The following PCDH15 variants were observed in gnomAD, a reference collection of about 807,000 sequenced individuals.
PCDH15 encodes the protein protocadherin related 15, also known as protocadherin-15.
In PCDH15, 129 loss-of-function variants were observed where a neutral mutation model predicts 178.5. That is an observed-to-expected ratio of 0.72 (90% CI 0.63 to 0.84). The LOEUF is 0.84. Ranked by LOEUF, PCDH15 falls within the 40% of genes least tolerant of loss-of-function variation. The pLI, the probability that PCDH15 is intolerant of heterozygous loss-of-function variation, is 0.00. For missense variants in PCDH15, 2,230 were observed against 2,099.9 expected (o/e 1.06, Z -1.21); for synonymous variants, 800 against 732.0 (o/e 1.09, Z -1.50).
At chr10:55,477,158 A>C (rs1489889403) in intron 2 of PCDH15, among the ~76,000 whole-genome samples, 1 of 151,998 alleles carries the variant, frequency 6.6e-6, no homozygotes, top group East Asian at 1.9e-4. Flanking sequence ...GATACTAAAC[A>C]TAAGAATATA....
intron 1 of PCDH15, among the ~76,000 whole-genome samples, chr10:54,738,589 C>A (rs1252776245): frequency 6.6e-6 from 1 of 151,812 alleles, no homozygotes; most frequent in Non-Finnish European, 1.5e-5. Flanking sequence ...CAAAACCAGA[C>A]AAACATGCAA....
intron 23 of PCDH15, among the ~76,000 whole-genome samples, chr10:53,959,013 T>C (rs1307758407): frequency 2.8e-5 from 4 of 144,784 alleles, no homozygotes; most frequent in Non-Finnish European, 6.0e-5. Flanking sequence ...AAGAACAGAA[T>C]TTTCTGTCGT....
intron 2 of PCDH15, among the ~76,000 whole-genome samples, chr10:55,347,677 T>A (rs564913055): frequency 1.3e-5 from 2 of 152,218 alleles, no homozygotes; most frequent in South Asian, 4.1e-4. Flanking sequence ...GAAAACACAT[T>A]TAACCTGAAT....
At chr10:54,200,269 CTTTT>C (rs11377394) in intron 10 of PCDH15, among the ~76,000 whole-genome samples, 4 of 106,074 alleles carry the variant, frequency 3.8e-5, no homozygotes, top group East Asian at 2.9e-4. Flanking sequence ...ACAGAGCCCA[CTTTT>C]TTTTTTTTTT....
At chr10:54,224,524 T>C (rs533535568) in intron 9 of PCDH15, among the ~76,000 whole-genome samples, 35 of 152,260 alleles carry the variant, frequency 2.3e-4, no homozygotes, top group African/African-American at 7.7e-4. Flanking sequence ...CTGGGTTTTA[T>C]TTCTTTTTAG....
At chr10:54,053,505 T>C (rs2093821412) in intron 18 of PCDH15, among the ~76,000 whole-genome samples, 1 of 152,132 alleles carries the variant, frequency 6.6e-6, no homozygotes, top group South Asian at 2.1e-4. Context: ...CAGTATTACA[T>C]GAGACCATGA....
intron 3 of PCDH15, among the ~76,000 whole-genome samples, chr10:54,820,073 T>C (rs1405787145): frequency 2.0e-5 from 3 of 152,088 alleles, no homozygotes; most frequent in African/African-American, 7.2e-5. Context: ...TTATGTGATA[T>C]ATGTGAAAGT....
chr10:54,122,587 A>AG (rs1176571704), intron 15 of PCDH15, among the ~76,000 whole-genome samples: 1 of 151,022 alleles, frequency 6.6e-6, no homozygotes, highest in Admixed American at 6.6e-5. Context: ...ATAGCAAAAA[A>AG]AAAAGAAAAA....
At chr10:53,982,327 C>T (rs1020654458) in intron 21 of PCDH15, among the ~76,000 whole-genome samples, 3 of 152,102 alleles carry the variant, frequency 2.0e-5, no homozygotes, top group Non-Finnish European at 2.9e-5. Flanking sequence ...TGGGTATATA[C>T]CCAAAGAATT....
At chr10:53,910,953 A>G (rs2083045574) in intron 25 of PCDH15, among the ~76,000 whole-genome samples, 1 of 152,190 alleles carries the variant, frequency 6.6e-6, no homozygotes, top group Non-Finnish European at 1.5e-5. Context: ...TGAAAAGAGA[A>G]GTTTAGAGAA....
At chr10:55,335,847 T>C (rs1239276812) in intron 2 of PCDH15, among the ~76,000 whole-genome samples, 1 of 152,184 alleles carries the variant, frequency 6.6e-6, no homozygotes, top group African/African-American at 2.4e-5. Context: ...AAATGTTATA[T>C]GATTAAGTAT....
intron 2 of PCDH15, among the ~76,000 whole-genome samples, chr10:54,914,129 A>G (rs1043961325): frequency 6.6e-6 from 1 of 152,128 alleles, no homozygotes; most frequent in Non-Finnish European, 1.5e-5. Context: ...GGCCAGGGAC[A>G]GCATGATATG....
chr10:55,516,709 T>C (rs1841020874), intron 2 of PCDH15, among the ~76,000 whole-genome samples: 3 of 152,160 alleles, frequency 2.0e-5, no homozygotes. Flanking sequence ...TTCTTTTATA[T>C]GAATATTTGA....
chr10:54,020,469 T>C (rs557848456), intron 19 of PCDH15, 53 bp from the exon 20 acceptor site: 5 of 1,547,116 alleles, frequency 3.2e-6, no homozygotes, highest in South Asian at 1.1e-5. Context: ...AATAAAGAAA[T>C]GCAGGAAGGA....
intron 2 of PCDH15, among the ~76,000 whole-genome samples, chr10:55,557,101 A>C (rs1330629431): frequency 6.6e-6 from 1 of 152,124 alleles, no homozygotes; most frequent in Admixed American, 6.6e-5. Context: ...TACCAGTTTT[A>C]ATATAGCCAA....
At chr10:55,171,843 G>A (rs1238055291) in intron 1 of PCDH15, among the ~76,000 whole-genome samples, 1 of 151,902 alleles carries the variant, frequency 6.6e-6, no homozygotes, top group African/African-American at 2.4e-5. Flanking sequence ...TGTTCAAGAT[G>A]TTGAATGGCT....
At chr10:53,823,789 AT>A (rs1416507664) in intron 32 of PCDH15, 1 of 456,746 alleles carries the variant, frequency 2.2e-6, no homozygotes, top group African/African-American at 2.0e-5. Context: ...GCTGTATCTG[AT>A]TCAGTACTTC....
At chr10:55,285,581 T>A (rs1276332711) in intron 1 of PCDH15, among the ~76,000 whole-genome samples, 1 of 151,866 alleles carries the variant, frequency 6.6e-6, no homozygotes, top group Non-Finnish European at 1.5e-5. Flanking sequence ...TTTATAGACT[T>A]CTTTTATGAA....
intron 16 of PCDH15, among the ~76,000 whole-genome samples, chr10:54,089,393 A>T (rs1285922730): frequency 6.6e-6 from 1 of 152,240 alleles, no homozygotes. Context: ...CTATTGCAAA[A>T]GGGAAGCATA....
Sources: allele counts gnomAD v4.1 joint callset (sites outside exome capture counted in the v4.1 genomes callset), GRCh38; gene constraint gnomAD v4.1.1; transcripts MANE v1.5; gene names NCBI Gene and HGNC (gene_info 2026-07-23, HGNC 2026-07-21).